SHISA7: variants seen among roughly 807,000 people sequenced by gnomAD.
The protein encoded by SHISA7 is shisa family member 7.
In SHISA7, 6 loss-of-function variants were observed where a neutral mutation model predicts 23.9. That is an observed-to-expected ratio of 0.25 (90% confidence interval 0.14 to 0.50). The LOEUF is 0.50. SHISA7 is among the 20% of genes least tolerant of loss of function. The pLI, the probability that SHISA7 is intolerant of heterozygous loss-of-function variation, is 0.98. For missense variants in SHISA7, 671 were observed against 801.1 expected, an observed-to-expected ratio of 0.84 and a Z score of 1.96; for synonymous variants, 386 against 398.3, an observed-to-expected ratio of 0.97 and a Z score of 0.37.
Position 55,442,760 on chromosome 19 carries a change from G to A in SHISA7, c.104C>T (p.Ala35Val). The change falls in exon 1 of 4, where the codon GCC (alanine) becomes GTC (valine). Residue 35 changes from alanine to valine, a missense_variant. Transcript: ENST00000376325. ...TSAEPAGPLP[A>V]LLAHLRRLTG... The stretch of plus-strand genomic sequence containing the variant: ...CAGGCGCCGCAGGTGCGCCAGCAGG[G>A]CGGGCAGCGGGCCCGCGGGCTCGGC... 8.5e-7 allele frequency: 1 copy of A among 1,171,424 alleles called. No homozygotes were observed. The highest frequency in any genetic ancestry group is 1.1e-6 in the Non-Finnish European group (1 of 949,874). The allele number at this position is 1,171,424 out of a possible 1,614,324, so 72.6% of individuals were successfully genotyped here.
rs1472895572 is a variant in SHISA7 at position 55,429,844 on chromosome 19, G to A, written c.*3312C>T. On this transcript the variant is annotated 3_prime_UTR_variant, in exon 4 of 4. Transcript: ENST00000376325. Reference sequence around the variant, plus strand: ...CCCTGGTCCCGCAGATGTGCTGGCAGGGACCATTGCTCTCCAGTGTCCCTG... The same window carrying A: ...CCCTGGTCCCGCAGATGTGCTGGCAAGGACCATTGCTCTCCAGTGTCCCTG... 2 of 152,168 alleles carry A rather than the reference G, an allele frequency of 1.3e-5. No individual in the cohort carries two copies. Among genetic ancestry groups the A allele is most frequent in the African/African-American group, 4.8e-5 (2 of 41,416 alleles). 9.4% of individuals were successfully genotyped at this position (152,168 alleles called of 1,614,324 possible). A position where few individuals can be genotyped will look rare whatever the true frequency, so the allele number is the denominator to read the frequency against.
chr19:55,436,287 C>CA (rs892828416), intron 3 of SHISA7, among the ~76,000 whole-genome samples: 126 of 149,070 alleles, frequency 8.5e-4, no homozygotes, highest in African/African-American at 3.0e-3. Flanking sequence ...AACTCTGTCT[C>CA]AAAAAAACAA....
chr19:55,433,586 G>A lies in SHISA7; in HGVS notation c.1187C>T (p.Ser396Leu). Residue 396 changes from serine to leucine, a missense_variant, in exon 4 of 4, where the codon TCG (serine) becomes TTG (leucine). Physicochemically the swap from Ser to Leu is moderately radical, Grantham distance 145. Transcript: ENST00000376325. The surrounding 1 kb of genome is among the most constrained non-coding windows in gnomAD (Gnocchi z 8.4). Reference sequence around the variant, plus strand: ...GCGCGGCAGCGTGAACTCGTAGCGCGAACGGCCACCATCGCCCAGCAGGTG... The same window carrying A: ...GCGCGGCAGCGTGAACTCGTAGCGCAAACGGCCACCATCGCCCAGCAGGTG... The part of the protein sequence containing the change: ...QEHLLGDGGR[S>L]RYEFTLPRAR... The A allele has an allele frequency of 6.7e-7, 1 of 1,498,680 alleles. No individual in the cohort carries two copies. The allele number at this position is 1,498,680 out of a possible 1,614,324, so 92.8% of individuals were successfully genotyped here. A position where few individuals can be genotyped will look rare whatever the true frequency, so the allele number is the denominator to read the frequency against.
intron 3 of SHISA7, among the ~76,000 whole-genome samples, chr19:55,434,865 GGTGTGTGTGGTGTGTGTGTATATGTGGT>G (rs1985371730): frequency 1.0e-5 from 1 of 96,826 alleles, no homozygotes; most frequent in Non-Finnish European, 2.0e-5. Flanking sequence ...GTGTATATGT[GGTGTGTGTGGTGTGTGTGTATATGTGGT>G]GTGTGTGGTG....
chr19:55,433,742 C>A lies in SHISA7; in HGVS notation c.1031G>T (p.Arg344Leu). 1 of 1,458,918 alleles carries A rather than the reference C, an allele frequency of 6.9e-7. No individual in the cohort carries two copies. The highest frequency in any genetic ancestry group is 9.0e-7 in the Non-Finnish European group (1 of 1,115,388). The allele number at this position is 1,458,918 out of a possible 1,614,324, so 90.4% of individuals were successfully genotyped here. ...YLKRRPLELP[R>L]GTLPLHALRR... is the part of the protein sequence containing the mutation. ...CAGCGCGTGCAGGGGCAGCGTGCCG[C>A]GGGGCAATTCCAGGGGCCGGCGCTT... Residue 344 changes from arginine (R) to leucine (L), a missense_variant, in exon 4 of 4, where the codon CGC (arginine) becomes CTC (leucine). By Grantham distance (102) the Arg-to-Leu change is moderately radical. Transcript: ENST00000376325. The surrounding 1 kb of genome is among the most constrained non-coding windows in gnomAD (Gnocchi z 8.4).
Position 55,442,321 on chromosome 19 carries a change from GGGGCCCTCGCCCC to G in SHISA7, c.530_542del (p.Gly177AlafsTer50). ...ACACGACGTAGGCTGTGCTGCCCCC[GGGGCCCTCGCCCC>G]CGCGGCCCCCGGCACCCCCAGTCCG... On this transcript the variant is annotated frameshift_variant, in exon 1 of 4. Coordinates refer to ENST00000376325, the MANE Select transcript of SHISA7 (RefSeq NM_001145176.2). LOFTEE classifies it high-confidence loss of function. 1.3e-6 allele frequency: 2 copies of G among 1,496,962 alleles called. No individual in the cohort carries two copies. Among genetic ancestry groups the G allele is most frequent in the Non-Finnish European group, 1.8e-6 (2 of 1,129,640 alleles). The allele number at this position is 1,496,962 out of a possible 1,614,324, so 92.7% of individuals were successfully genotyped here. A position where few individuals can be genotyped will look rare whatever the true frequency, so the allele number is the denominator to read the frequency against.
chr19:55,437,826 C>T, intron 2 of SHISA7, 72 bp from the exon 3 acceptor site: 1 of 1,482,718 alleles, frequency 6.7e-7, no homozygotes. Context: ...GCCCCCAGCC[C>T]CTGCTCCATC....
chr19:55,442,893 C>A lies in SHISA7; in HGVS notation c.-30G>T. On this transcript the variant is annotated 5_prime_UTR_variant, in exon 1 of 4. Transcript: ENST00000376325. Reference sequence around the variant, plus strand: ...CTTGCAGGGGGTCGCACTGGGCCGCCAGGCTGCGGGGAGAACGAGAGCAGA... The same window carrying A: ...CTTGCAGGGGGTCGCACTGGGCCGCAAGGCTGCGGGGAGAACGAGAGCAGA... The A allele has an allele frequency of 8.1e-7, 1 of 1,238,950 alleles. No individual in the cohort carries two copies. The highest frequency in any genetic ancestry group is 2.0e-5 in the South Asian group (1 of 50,406). 76.7% of individuals were successfully genotyped at this position (1,238,950 alleles called of 1,614,324 possible).
Position 55,433,633 on chromosome 19 carries a change from G to C in SHISA7, c.1140C>G (p.Pro380=), listed in dbSNP as rs1692655751. The C allele has an allele frequency of 6.7e-7, 1 of 1,490,498 alleles. No homozygotes were observed. The highest frequency in any genetic ancestry group is 2.9e-5 in the East Asian group (1 of 34,652). The allele number at this position is 1,490,498 out of a possible 1,614,324, so 92.3% of individuals were successfully genotyped here. ...GGTGCTCCTGGGACATGACCCGCCGGGGGTTGGGCGCGGGCGCCAGGCCCA... is the reference window on the plus strand; with the variant it reads ...GGTGCTCCTGGGACATGACCCGCCGCGGGTTGGGCGCGGGCGCCAGGCCCA... ...EELGLAPAPN[P]RRVMSQEHLL... Residue 380 remains proline (P), a synonymous_variant, in exon 4 of 4, where the codon CCC becomes CCG. Coordinates refer to ENST00000376325, the MANE Select transcript of SHISA7 (RefSeq NM_001145176.2). The surrounding 1 kb of genome is among the most constrained non-coding windows in gnomAD (Gnocchi z 8.4).
Position 55,433,293 on chromosome 19 carries a change from C to T in SHISA7, c.1480G>A (p.Ala494Thr). 2.0e-6 allele frequency: 3 copies of T among 1,502,364 alleles called. No homozygotes were observed. Among genetic ancestry groups the T allele is most frequent in the East Asian group, 2.7e-5 (1 of 36,968 alleles). The allele number at this position is 1,502,364 out of a possible 1,614,324, so 93.1% of individuals were successfully genotyped here. A position where few individuals can be genotyped will look rare whatever the true frequency, so the allele number is the denominator to read the frequency against. The change falls in exon 4 of 4, where the codon GCC becomes ACC. Residue 494 changes from alanine to threonine, a missense_variant. Physicochemically the swap from Ala to Thr is moderately conservative, Grantham distance 58 (BLOSUM62 0). Transcript: ENST00000376325. The surrounding 1 kb of genome is among the most constrained non-coding windows in gnomAD (Gnocchi z 8.4). ...GSPQPAWMSD[A>T]GGGGGTLARR... ...GCCAGTGTGCCCCCGCCCCCGCCGGCGTCGGACATCCAGGCCGGCTGCGGC... is the reference window on the plus strand; with the variant it reads ...GCCAGTGTGCCCCCGCCCCCGCCGGTGTCGGACATCCAGGCCGGCTGCGGC...
chr19:55,442,226 G>T lies in SHISA7; in HGVS notation c.638C>A (p.Ala213Glu), dbSNP rs1187152327. The change falls in exon 1 of 4, where the codon GCG becomes GAG. Residue 213 changes from alanine (A) to glutamate (E), a missense_variant. By Grantham distance (107) the Ala-to-Glu change is moderately radical. Coordinates refer to ENST00000376325, the MANE Select transcript of SHISA7 (RefSeq NM_001145176.2). ...AKVAFSKASR[A>E]PRAHRDINVP... ...GTTGATATCCCGGTGCGCCCGGGGCGCACGGGACGCCTTGCTGAAGGCCAC... is the reference window on the plus strand; with the variant it reads ...GTTGATATCCCGGTGCGCCCGGGGCTCACGGGACGCCTTGCTGAAGGCCAC... 6 of 1,533,920 alleles carry T rather than the reference G, an allele frequency of 3.9e-6. No homozygotes were observed. The highest frequency in any genetic ancestry group is 5.2e-6 in the Non-Finnish European group (6 of 1,145,870).
intron 2 of SHISA7, chr19:55,438,674 C>A (rs1985525921): frequency 6.2e-6 from 8 of 1,289,864 alleles, no homozygotes; most frequent in Non-Finnish European, 8.2e-6. Context: ...CACTGACTCC[C>A]AGCTGGCACC....
At position 55,433,341 on chromosome 19, in the gene SHISA7, G is replaced by C. The variant is rs552128696; in HGVS notation, c.1432C>G (p.His478Asp). 7.1e-7 allele frequency: 1 copy of C among 1,415,514 alleles called. No homozygotes were observed. The highest frequency in any genetic ancestry group is 1.5e-5 in the South Asian group (1 of 65,664). 87.7% of individuals were successfully genotyped at this position (1,415,514 alleles called of 1,614,324 possible). Reference protein sequence around the residue: ...LPPPSSLHAHHHHALHGSPQP... With the variant: ...LPPPSSLHAHDHHALHGSPQP... ...GGCGAGCCGTGCAGGGCGTGGTGGT[G>C]GTGGGCGTGCAGGCTGGACGGTGGC... is the stretch of plus-strand genomic sequence containing the variant. The change falls in exon 4 of 4, where the codon CAC (histidine) becomes GAC (aspartate). Residue 478 changes from histidine to aspartate, a missense_variant. Physicochemically the swap from His to Asp is moderately conservative, Grantham distance 81. This residue lies in a region of SHISA7 where 457 missense variants were observed against 488.3 expected (regional missense o/e 0.94). Transcript: ENST00000376325. This position sits in a 1 kb window ranked among gnomAD's most constrained non-coding sequence, Gnocchi z 8.4.
At chr19:55,437,562 GC>G (rs1985494152) in intron 3 of SHISA7, 42 bp downstream of exon 3, 2 of 1,536,794 alleles carry the variant, frequency 1.3e-6, no homozygotes, top group African/African-American at 1.4e-5. Context: ...CTCTGGCCCC[GC>G]CCCCTCCCCT....
intron 3 of SHISA7, among the ~76,000 whole-genome samples, chr19:55,434,829 G>GCA (rs1422207952): frequency 2.6e-5 from 2 of 77,204 alleles, no homozygotes; most frequent in East Asian, 3.2e-3. Context: ...GTATGTGTGT[G>GCA]TGGTGTGTGG....
In SHISA7 at chr19:55,432,507, T is replaced by C. The variant is rs547279934; in HGVS notation, c.*649A>G. 7 of 152,730 alleles carry C rather than the reference T, an allele frequency of 4.6e-5. No homozygotes were observed. In the East Asian group the frequency reaches 1.2e-3, roughly 25 times the overall value. The allele number at this position is 152,730 out of a possible 1,614,324, so 9.5% of individuals were successfully genotyped here. A position where few individuals can be genotyped will look rare whatever the true frequency, so the allele number is the denominator to read the frequency against. The stretch of plus-strand genomic sequence containing the variant: ...ATGATGTTGTGAAAAGGGGACCTTA[T>C]GTCTAGTGAGGACACAATCGGTGAG... On this transcript the variant is annotated 3_prime_UTR_variant, in exon 4 of 4. Coordinates refer to ENST00000376325, the MANE Select transcript of SHISA7 (RefSeq NM_001145176.2). The surrounding 1 kb of genome is among the most constrained non-coding windows in gnomAD (Gnocchi z 4.6).
At chr19:55,434,898 G>T (rs1453327562) in intron 3 of SHISA7, among the ~76,000 whole-genome samples, 2 of 129,938 alleles carry the variant, frequency 1.5e-5, no homozygotes, top group East Asian at 4.9e-4. Context: ...TGTGGTGTGT[G>T]TGGTGTGTGT....
intron 2 of SHISA7, among the ~76,000 whole-genome samples, chr19:55,438,035 G>A (rs1985509816): frequency 7.6e-6 from 1 of 131,132 alleles, no homozygotes; most frequent in Admixed American, 7.9e-5. Context: ...CAGGCGTCCA[G>A]GCCCCCAGCC....
At chr19:55,440,932 A>AC (rs1985587019) in intron 1 of SHISA7, among the ~76,000 whole-genome samples, 167 bp from the exon 2 acceptor site, 3 of 147,294 alleles carry the variant, frequency 2.0e-5, no homozygotes, top group African/African-American at 5.0e-5. Context: ...CCCTAGAATG[A>AC]CCCCCTTTCT....
Sources: gnomAD v4.1 joint callset for allele counts (sites outside exome capture counted in the v4.1 genomes callset) on GRCh38, gnomAD v4.1.1 for gene constraint, gnomAD v4.1.1 regional missense constraint, Gnocchi (gnomAD v3.1) non-coding constraint, MANE v1.5 for transcripts, NCBI Gene and HGNC (gene_info 2026-07-23, HGNC 2026-07-21) for gene names.